PTPRD: variants seen among roughly 807,000 people sequenced by gnomAD.
PTPRD encodes the protein receptor-type tyrosine-protein phosphatase delta.
A neutral mutation model predicts 214.5 loss-of-function variants in PTPRD; 34 were observed. That is an observed-to-expected ratio of 0.16 (90% CI 0.12 to 0.21). The LOEUF is 0.21. Among genes scored for constraint, PTPRD ranks in the 10% least tolerant of loss-of-function variants. The pLI, the probability that PTPRD is intolerant of heterozygous loss-of-function variation, is 1.00. For missense variants in PTPRD, 2,545 were observed against 2,398.7 expected (o/e 1.06, Z -1.27); for synonymous variants, 1,128 against 845.7 (o/e 1.33, Z -5.79).
At chr9:10,363,259 C>T (rs893495823) in intron 2 of PTPRD, among the ~76,000 whole-genome samples, 1 of 152,130 alleles carries the variant, frequency 6.6e-6, no homozygotes, top group African/African-American at 2.4e-5. Context: ...GAGGTCAAGG[C>T]TATTGGTCCA....
rs573454302 is a variant in PTPRD, at chr9:9,561,565, A to G, written c.-237+13167T>C. 2.0e-5 allele frequency among the ~76,000 whole-genome samples: 3 copies of G among 152,368 alleles called. No individual in the cohort carries two copies. The South Asian group carries it at 6.2e-4, about 32-fold the overall frequency. ...ATTTTCACAAAGAACAAGCAAATGG[A>G]CAAGTATAAAAAGAATAGCCTCTCT... On this transcript the variant is annotated intron_variant, in intron 8 of 45. Coordinates refer to ENST00000381196, the MANE Select transcript of PTPRD (RefSeq NM_002839.4).
intron 12 of PTPRD, among the ~76,000 whole-genome samples, chr9:8,643,356 G>GGGAA (rs543851119): frequency 6.6e-6 from 1 of 151,740 alleles, no homozygotes; most frequent in Non-Finnish European, 1.5e-5. Context: ...AAGGGAGGGA[G>GGGAA]GGAAGGAAGG....
chr9:8,537,781 A>T (rs772305444), intron 14 of PTPRD, among the ~76,000 whole-genome samples: 1 of 151,966 alleles, frequency 6.6e-6, no homozygotes, highest in Non-Finnish European at 1.5e-5. Context: ...AATAAAACAA[A>T]CTGTTTAGAA....
intron 5 of PTPRD, among the ~76,000 whole-genome samples, chr9:9,851,763 C>G (rs1043330909): frequency 1.3e-5 from 2 of 152,140 alleles, no homozygotes; most frequent in African/African-American, 4.8e-5. Flanking sequence ...CTGGACAACA[C>G]AGCGAGACCC....
At chr9:9,423,582 A>G (rs759394133) in intron 8 of PTPRD, among the ~76,000 whole-genome samples, 32 of 152,338 alleles carry the variant, frequency 2.1e-4, no homozygotes, top group Non-Finnish European at 3.7e-4. Flanking sequence ...CATACTCATA[A>G]GTGATACAAA....
intron 8 of PTPRD, among the ~76,000 whole-genome samples, chr9:9,486,121 A>G (rs2095620501): frequency 8.1e-6 from 1 of 123,464 alleles, no homozygotes; most frequent in Non-Finnish European, 1.6e-5. Context: ...ACTGCACTCC[A>G]GTCTGGGCAA....
intron 11 of PTPRD, among the ~76,000 whole-genome samples, chr9:8,934,436 A>AGTGT (rs2098976804): frequency 3.3e-5 from 1 of 30,332 alleles, no homozygotes. Flanking sequence ...TATATATATA[A>AGTGT]ATATATATAT....
intron 3 of PTPRD, among the ~76,000 whole-genome samples, chr9:10,120,053 C>T (rs2098762741): frequency 6.6e-6 from 1 of 151,986 alleles, no homozygotes; most frequent in Admixed American, 6.6e-5. Flanking sequence ...AAGGTAATGG[C>T]AATCTGCAAT....
At chr9:10,146,274 T>G (rs1002539423) in intron 3 of PTPRD, among the ~76,000 whole-genome samples, 2 of 151,872 alleles carry the variant, frequency 1.3e-5, no homozygotes, top group East Asian at 1.9e-4. Context: ...CATACATACA[T>G]AAATTTATTC....
At chr9:8,514,714 A>T (rs1311665800) in intron 21 of PTPRD, among the ~76,000 whole-genome samples, 1 of 152,340 alleles carries the variant, frequency 6.6e-6, no homozygotes, top group African/African-American at 2.4e-5. Flanking sequence ...ATAAAAACAC[A>T]AAAACTATCA....
At chr9:8,471,428 C>A (rs948261018) in intron 30 of PTPRD, among the ~76,000 whole-genome samples, 33 of 152,082 alleles carry the variant, frequency 2.2e-4, no homozygotes, top group African/African-American at 7.7e-4. Flanking sequence ...AGCTGCTGAA[C>A]CAAATATTTT....
At chr9:9,383,360 G>T (rs900181833) in intron 9 of PTPRD, among the ~76,000 whole-genome samples, 7 of 151,840 alleles carry the variant, frequency 4.6e-5, no homozygotes, top group Non-Finnish European at 1.0e-4. Flanking sequence ...GTAAACAGAT[G>T]GCAGAAAGCA....
chr9:10,415,971 C>G (rs577008703), intron 2 of PTPRD, among the ~76,000 whole-genome samples: 1 of 151,938 alleles, frequency 6.6e-6, no homozygotes, highest in African/African-American at 2.4e-5. Flanking sequence ...TTTTTAAAAA[C>G]AGCTTTATCG....
intron 10 of PTPRD, among the ~76,000 whole-genome samples, chr9:9,029,309 G>A (rs576472804): frequency 7.2e-4 from 109 of 151,824 alleles, no homozygotes; most frequent in Middle Eastern, 3.4e-3. Context: ...TATTAAATAC[G>A]TATTTTTAAG....
In PTPRD at chr9:9,711,731, G is replaced by A. The variant is rs142040936; in HGVS notation, c.-287+22802C>T. On this transcript the variant is annotated intron_variant, in intron 7 of 45. Coordinates refer to ENST00000381196, the MANE Select transcript of PTPRD (RefSeq NM_002839.4). ...GTAGCGGGGAGAAACTAGAGACACT[G>A]CTAAGCGTTCTGTAATATATATAGC... 2.4e-3 allele frequency among the ~76,000 whole-genome samples: 371 copies of A among 152,248 alleles called. 3 individuals carry two copies. The highest frequency in any genetic ancestry group is 8.5e-3 in the African/African-American group (352 of 41,554).
chr9:10,386,344 A>C (rs780044567), intron 2 of PTPRD, among the ~76,000 whole-genome samples: 4 of 151,804 alleles, frequency 2.6e-5, no homozygotes, highest in Non-Finnish European at 5.9e-5. Context: ...TCATTCTCTC[A>C]TATTTTAGCC....
chr9:9,354,845 T>C (rs2053090652), intron 9 of PTPRD, among the ~76,000 whole-genome samples: 1 of 151,612 alleles, frequency 6.6e-6, no homozygotes, highest in Non-Finnish European at 1.5e-5. Context: ...CATGAAGATA[T>C]CTGGAGGAAA....
At chr9:9,612,137 T>C (rs1465372682) in intron 7 of PTPRD, among the ~76,000 whole-genome samples, 3 of 152,150 alleles carry the variant, frequency 2.0e-5, no homozygotes, top group Admixed American at 2.0e-4. Flanking sequence ...TGTAATAAAA[T>C]TGAGTACATA....
chr9:9,126,083 G>A (rs2099832375), intron 10 of PTPRD, among the ~76,000 whole-genome samples: 3 of 152,152 alleles, frequency 2.0e-5, no homozygotes, highest in Admixed American at 1.3e-4. Flanking sequence ...TGTTGGTGGT[G>A]CCAGATTATA....
Sources: gnomAD v4.1 joint callset for allele counts (sites outside exome capture counted in the v4.1 genomes callset) on GRCh38, gnomAD v4.1.1 for gene constraint, MANE v1.5 for transcripts, NCBI Gene and HGNC (gene_info 2026-07-23, HGNC 2026-07-21) for gene names.